Variants in ZFP1 observed in about 807,000 individuals in gnomAD.
ZFP1 encodes zinc finger protein 1 homolog.
A neutral mutation model predicts 38.5 loss-of-function variants in ZFP1; 32 were observed. The observed-to-expected ratio is 0.83, with a 90% CI of 0.63 to 1.12. ZFP1 has a LOEUF of 1.12. Among genes scored for constraint, ZFP1 ranks in the 50% most tolerant of loss-of-function variants. The pLI is 0.00. For missense variants in ZFP1, 616 were observed against 480.8 expected (o/e 1.28, Z -2.63); for synonymous variants, 245 against 168.8 (o/e 1.45, Z -3.50).
upstream of ZFP1, among the ~76,000 whole-genome samples, chr16:75,145,442 C>G (rs2036932440): frequency 1.3e-5 from 2 of 152,234 alleles, no homozygotes; most frequent in South Asian, 4.2e-4. Flanking sequence ...CAAGCTTGGA[C>G]CCATGGCCCT....
intron 2 of ZFP1, among the ~76,000 whole-genome samples, chr16:75,153,902 C>A (rs1432431207): frequency 6.6e-6 from 1 of 152,230 alleles, no homozygotes; most frequent in Non-Finnish European, 1.5e-5. Flanking sequence ...ACTGTCTCAT[C>A]TCCCTAGTCG....
intron 2 of ZFP1, among the ~76,000 whole-genome samples, chr16:75,162,774 G>C (rs929170077): frequency 6.6e-6 from 1 of 152,090 alleles, no homozygotes; most frequent in Non-Finnish European, 1.5e-5. Flanking sequence ...TTGGATTTCT[G>C]TTTGTGTTAA....
chr16:75,143,442 C>T, the ZFP1 span, among the ~76,000 whole-genome samples: 5,016 of 151,954 alleles, frequency 0.033, 299 homozygotes, highest in African/African-American at 0.12. Flanking sequence ...GATGGGGTTT[C>T]AATATGTTGG....
At chr16:75,142,206 A>G in the ZFP1 span, among the ~76,000 whole-genome samples, 1 of 151,402 alleles carries the variant, frequency 6.6e-6, no homozygotes, top group Admixed American at 6.6e-5. Context: ...AAATACAAAA[A>G]AAAAAAAAAA....
upstream of ZFP1, among the ~76,000 whole-genome samples, chr16:75,145,548 C>T (rs2036933898): frequency 6.6e-6 from 1 of 152,064 alleles, no homozygotes; most frequent in Non-Finnish European, 1.5e-5. Flanking sequence ...CCATAAGAAC[C>T]CCAAATCCCA....
chr16:75,148,725 G>A (rs1273884684), intron 1 of ZFP1, 82 bp downstream of exon 1: 1 of 152,300 alleles, frequency 6.6e-6, no homozygotes, highest in Non-Finnish European at 1.5e-5. Context: ...GCCCGCGCAG[G>A]GTGGGAGCCC....
At chr16:75,120,550 G>A in the ZFP1 span, among the ~76,000 whole-genome samples, 2 of 149,896 alleles carry the variant, frequency 1.3e-5, no homozygotes, top group Non-Finnish European at 3.0e-5. Context: ...GACTAAAATA[G>A]TTATTGCAAC....
chr16:75,154,905 C>T (rs921938105), intron 2 of ZFP1, among the ~76,000 whole-genome samples: 7 of 152,084 alleles, frequency 4.6e-5, no homozygotes, highest in Non-Finnish European at 1.0e-4. Flanking sequence ...TCAAGTGATT[C>T]TCCTGCCTCA....
In ZFP1 at chr16:75,172,072, A is replaced by C. The variant is rs933283909; in HGVS notation, c.*1738A>C. 3 of 152,234 alleles carry C rather than the reference A, an allele frequency of 2.0e-5. No individual in the cohort carries two copies. The highest frequency in any genetic ancestry group is 4.4e-5 in the Non-Finnish European group (3 of 68,034). The allele number at this position is 152,234 out of a possible 1,614,324, so 9.4% of individuals were successfully genotyped here. On this transcript the variant is annotated 3_prime_UTR_variant, in exon 4 of 4. Coordinates refer to ENST00000570010, the MANE Select transcript of ZFP1 (RefSeq NM_153688.4). ...ACCATCAGTAAGGGAATGGATGAATAAATTGTGGTAAAAACATACCATGGC... is the reference window on the plus strand; with the variant it reads ...ACCATCAGTAAGGGAATGGATGAATCAATTGTGGTAAAAACATACCATGGC...
chr16:75,165,991 A>G (rs1271813965), intron 2 of ZFP1, among the ~76,000 whole-genome samples: 3 of 152,156 alleles, frequency 2.0e-5, no homozygotes, highest in Admixed American at 1.3e-4. Flanking sequence ...GTTAAATTCA[A>G]CCATGTATTT....
chr16:75,169,359 C>A lies in ZFP1; in HGVS notation c.249C>A (p.Gly83=). The A allele has an allele frequency of 6.2e-7, 1 of 1,614,044 alleles. No individual in the cohort carries two copies. Among genetic ancestry groups the A allele is most frequent in the Non-Finnish European group, 8.5e-7 (1 of 1,180,010 alleles). The change falls in exon 4 of 4, where the codon GGC becomes GGA. Residue 83 remains glycine, a synonymous_variant. Coordinates refer to ENST00000570010, the MANE Select transcript of ZFP1 (RefSeq NM_153688.4). Reference sequence around the variant, plus strand: ...ACCAAACCCCAATTGAGGAAAGAGGCGATCTCTTTGGAAAAGCACTTAATC... The same window carrying A: ...ACCAAACCCCAATTGAGGAAAGAGGAGATCTCTTTGGAAAAGCACTTAATC... ...LKNQTPIEER[G]DLFGKALNLN...
chr16:75,166,469 C>A, intron 2 of ZFP1: 1 of 867,012 alleles, frequency 1.2e-6, no homozygotes, highest in Non-Finnish European at 1.4e-6. Context: ...CAAGTGATTC[C>A]CCCGCCCACC....
the ZFP1 span, among the ~76,000 whole-genome samples, chr16:75,141,205 T>A: frequency 7.7e-6 from 1 of 129,946 alleles, no homozygotes; most frequent in Non-Finnish European, 1.7e-5. Flanking sequence ...CTTTTTTTTT[T>A]TTTTTTTTTT....
chr16:75,134,922 C>T, the ZFP1 span, among the ~76,000 whole-genome samples: 7 of 151,628 alleles, frequency 4.6e-5, no homozygotes, highest in South Asian at 2.1e-4. Flanking sequence ...GGTGTGGTGG[C>T]GCATGCCTGT....
At chr16:75,124,522 G>A in the ZFP1 span, among the ~76,000 whole-genome samples, 395 of 149,266 alleles carry the variant, frequency 2.6e-3, 1 homozygote, top group African/African-American at 9.0e-3. Context: ...GGTGGCTCAC[G>A]CCTGTAATCC....
In ZFP1 at chr16:75,152,897, C is replaced by G; in HGVS notation, c.-43-12C>G. 1 of 1,607,660 alleles carries G rather than the reference C, an allele frequency of 6.2e-7. No homozygotes were observed. The highest frequency in any genetic ancestry group is 1.3e-5 in the African/African-American group (1 of 74,540). ...CTTTAATAACAATGCCTTCCTTTTT[C>G]CTCTATTCCAGTTCTGCCTTCATAG... On this transcript the variant is annotated splice_polypyrimidine_tract_variant and intron_variant, in intron 1 of 3. Coordinates refer to ENST00000570010, the MANE Select transcript of ZFP1 (RefSeq NM_153688.4).
In ZFP1 at chr16:75,163,876, C is replaced by T. The variant is rs1046907755; in HGVS notation, c.16-2894C>T. 5.3e-5 allele frequency among the ~76,000 whole-genome samples: 8 copies of T among 152,290 alleles called. 1 individual carries two copies. The highest frequency in any genetic ancestry group is 1.9e-4 in the East Asian group (1 of 5,182). ...TCCTCCTGCGTCATCCTCCCAAATG[C>T]TGGGATTACACACATGAGCCACAGC... is the stretch of plus-strand genomic sequence containing the variant. On this transcript the variant is annotated intron_variant, in intron 2 of 3. Transcript: ENST00000570010.
chr16:75,136,153 G>A, the ZFP1 span, among the ~76,000 whole-genome samples: 5 of 152,156 alleles, frequency 3.3e-5, no homozygotes, highest in Non-Finnish European at 5.9e-5. Context: ...GAAGTCGGGG[G>A]AGTCCCAGGA....
At chr16:75,127,936 A>C in the ZFP1 span, 3 of 152,248 alleles carry the variant, frequency 2.0e-5, no homozygotes, top group East Asian at 1.9e-4. Flanking sequence ...ATTTCTACAG[A>C]TTTTGGAAAC....
Sources: gnomAD v4.1 joint callset for allele counts (sites outside exome capture counted in the v4.1 genomes callset) on GRCh38, gnomAD v4.1.1 for gene constraint, MANE v1.5 for transcripts, NCBI Gene and HGNC (gene_info 2026-07-23, HGNC 2026-07-21) for gene names.